GLYR1: variants seen among roughly 807,000 people sequenced by gnomAD.
GLYR1 encodes the protein cytokine-like nuclear factor N-PAC.
GLYR1 carries 21 observed loss-of-function variants against 72.7 expected under a neutral mutation model. The observed-to-expected ratio is 0.29, with a 90% CI of 0.20 to 0.42. The LOEUF (loss-of-function observed/expected upper bound fraction) is 0.42. Among genes scored for constraint, GLYR1 ranks in the 10% least tolerant of loss-of-function variants. The probability of loss-of-function intolerance (pLI) is 1.00; values close to 1 mark genes in which losing one functional copy is unlikely to be tolerated. For synonymous variants in GLYR1, 392 were observed against 270.2 expected (o/e 1.45, Z -4.42); for missense variants, 594 against 712.1 (o/e 0.83, Z 1.89).
At chr16:4,825,874 G>A (rs566357616) in intron 5 of GLYR1, among the ~76,000 whole-genome samples, 43 of 152,036 alleles carry the variant, frequency 2.8e-4, no homozygotes, top group Middle Eastern at 6.8e-3. Context: ...GGATGGTCTC[G>A]ATCTCCTGAC....
chr16:4,810,551 G>T (rs4786552), intron 15 of GLYR1, among the ~76,000 whole-genome samples: 1 of 150,398 alleles, frequency 6.6e-6, no homozygotes, highest in Non-Finnish European at 1.5e-5. Flanking sequence ...ACTAAGTAGA[G>T]GGAAGGAAAC....
intron 5 of GLYR1, among the ~76,000 whole-genome samples, chr16:4,828,372 G>T (rs1203653937): frequency 6.6e-6 from 1 of 151,970 alleles, no homozygotes; most frequent in Non-Finnish European, 1.5e-5. Flanking sequence ...CCCGGCAAAG[G>T]TATGTACATT....
chr16:4,834,807 A>C (rs983019714), intron 3 of GLYR1, among the ~76,000 whole-genome samples: 3 of 152,134 alleles, frequency 2.0e-5, no homozygotes, highest in Non-Finnish European at 2.9e-5. Context: ...TCAACATGAG[A>C]GCGCCAATGA....
At chr16:4,824,004 C>A (rs1309435969) in intron 5 of GLYR1, 97 bp from the exon 6 acceptor site, 1 of 912,768 alleles carries the variant, frequency 1.1e-6, no homozygotes, top group Non-Finnish European at 1.8e-6. Context: ...AAGCCAATCC[C>A]CAACCACTGT....
intron 5 of GLYR1, among the ~76,000 whole-genome samples, chr16:4,828,662 A>G (rs1270178219): frequency 6.6e-6 from 1 of 152,064 alleles, no homozygotes; most frequent in Admixed American, 6.6e-5. Context: ...ACAAACCTAA[A>G]GAACTGATCA....
At chr16:4,806,455 C>T (rs1192522711) in intron 15 of GLYR1, among the ~76,000 whole-genome samples, 3 of 151,434 alleles carry the variant, frequency 2.0e-5, no homozygotes, top group Admixed American at 6.6e-5. Flanking sequence ...CTCCTGGGCT[C>T]AAGCAATCCT....
intron 6 of GLYR1, among the ~76,000 whole-genome samples, 163 bp downstream of exon 6, chr16:4,823,658 T>C (rs946070779): frequency 6.6e-6 from 1 of 151,462 alleles, no homozygotes; most frequent in Non-Finnish European, 1.5e-5. Context: ...GTGCTCACCC[T>C]AGAGGGAAAT....
In GLYR1 at chr16:4,828,771, C is replaced by T. The variant is rs549435074; in HGVS notation, c.537+3208G>A. On this transcript the variant is annotated intron_variant, in intron 5 of 15. Coordinates refer to ENST00000321919, the MANE Select transcript of GLYR1 (RefSeq NM_032569.4). ...AGGCACGTACTGTTGTAATTCCTAACGATGAGACAAGGAAACTGGGGCAAA... is the reference window on the plus strand; with the variant it reads ...AGGCACGTACTGTTGTAATTCCTAATGATGAGACAAGGAAACTGGGGCAAA... Among the ~76,000 whole-genome samples, 124 of 152,158 alleles carry T rather than the reference C, an allele frequency of 8.1e-4. 2 individuals are homozygous for T. The highest frequency in any genetic ancestry group is 1.4e-3 in the African/African-American group (57 of 41,520).
At chr16:4,841,607 T>A (rs944887035) in intron 3 of GLYR1, among the ~76,000 whole-genome samples, 1 of 151,568 alleles carries the variant, frequency 6.6e-6, no homozygotes, top group Non-Finnish European at 1.5e-5. Context: ...TCCGTGATAC[T>A]GCACTCCAAC....
chr16:4,824,555 C>A (rs868765249), intron 5 of GLYR1, among the ~76,000 whole-genome samples: 1 of 151,502 alleles, frequency 6.6e-6, no homozygotes, highest in Non-Finnish European at 1.5e-5. Flanking sequence ...AGGAATCCGC[C>A]ATATTTCAAA....
At chr16:4,840,696 G>C (rs892956143) in intron 3 of GLYR1, among the ~76,000 whole-genome samples, 3 of 152,142 alleles carry the variant, frequency 2.0e-5, no homozygotes, top group Non-Finnish European at 2.9e-5. Context: ...TATGAGGTAG[G>C]GGGTATCATC....
chr16:4,827,153 C>A (rs1049840601), intron 5 of GLYR1, among the ~76,000 whole-genome samples: 1 of 152,232 alleles, frequency 6.6e-6, no homozygotes, highest in Non-Finnish European at 1.5e-5. Flanking sequence ...TTCCATTAAT[C>A]CTCACGGGGC....
At chr16:4,805,449 C>A in intron 15 of GLYR1, 139 bp from the exon 16 acceptor site, 1 of 715,392 alleles carries the variant, frequency 1.4e-6, no homozygotes, top group Non-Finnish European at 2.5e-6. Flanking sequence ...CCTGTGTTGA[C>A]CTTGCATGAA....
At chr16:4,811,981 C>G in intron 13 of GLYR1, 105 bp downstream of exon 13, 1 of 1,485,850 alleles carries the variant, frequency 6.7e-7, no homozygotes, top group Non-Finnish European at 9.0e-7. Context: ...GAAACCTTCC[C>G]CAGGGTCCCC....
At chr16:4,844,928 T>C (rs2085879167) in intron 3 of GLYR1, 146 bp downstream of exon 3, 2 of 624,716 alleles carry the variant, frequency 3.2e-6, no homozygotes, top group Non-Finnish European at 5.7e-6. Flanking sequence ...TGCACCTTTA[T>C]TTAGGTATGA....
Position 4,840,636 on chromosome 16 carries a change from T to TG in GLYR1, c.155+4437dup, listed in dbSNP as rs549631206. 2.6e-3 allele frequency among the ~76,000 whole-genome samples: 401 copies of TG among 152,326 alleles called. 1 individual carries two copies. Among genetic ancestry groups the TG allele is most frequent in the Non-Finnish European group, 4.5e-3 (304 of 68,024 alleles). Reference sequence around the variant, plus strand: ...TGGACCAATGTGTGCTAATACCTGCTGTATGGCAAGCCACACTCTACACAA... The same window carrying TG: ...TGGACCAATGTGTGCTAATACCTGCTGGTATGGCAAGCCACACTCTACACAA... On this transcript the variant is annotated intron_variant, in intron 3 of 15. Transcript: ENST00000321919.
rs199994930 is a variant in GLYR1, at chr16:4,812,274, G to C, written c.1120-26C>G. 85 of 1,604,396 alleles carry C rather than the reference G, an allele frequency of 5.3e-5. 2 individuals are homozygous for C. In the African/African-American group the frequency reaches 1.0e-3, roughly 19 times the overall value. On this transcript the variant is annotated intron_variant, in intron 12 of 15. Transcript: ENST00000321919. ...CTGGAAAGAAAAGTCACAGCTTCTG[G>C]AGGCCTCCCCTCTCCCAGCGCTCTC... is the stretch of plus-strand genomic sequence containing the variant.
intron 3 of GLYR1, among the ~76,000 whole-genome samples, chr16:4,844,781 C>G (rs1038834769): frequency 2.0e-5 from 3 of 152,148 alleles, no homozygotes; most frequent in African/African-American, 4.8e-5. Context: ...AAAGGAACTG[C>G]CTTTGGAGTT....
chr16:4,832,243 T>C (rs2084847227), intron 4 of GLYR1, 22 bp from the exon 5 acceptor site: 1 of 1,612,778 alleles, frequency 6.2e-7, no homozygotes, highest in South Asian at 1.1e-5. Context: ...ATAATAATAA[T>C]GATAACTACC....
Sources: allele counts gnomAD v4.1 joint callset (sites outside exome capture counted in the v4.1 genomes callset), GRCh38; gene constraint gnomAD v4.1.1; transcripts MANE v1.5; gene names NCBI Gene and HGNC (gene_info 2026-07-23, HGNC 2026-07-21).